The following MADCAM1 variants were observed in gnomAD, a reference collection of about 807,000 sequenced individuals.
MADCAM1 encodes the protein mucosal addressin cell adhesion molecule 1.
A neutral mutation model predicts 26.1 loss-of-function variants in MADCAM1; 19 were observed. The observed-to-expected ratio is 0.73, with a 90% CI of 0.51 to 1.07. The LOEUF is 1.07. Ranked by LOEUF, MADCAM1 falls within the 50% of genes least tolerant of loss-of-function variation. The probability of loss-of-function intolerance (pLI) is 0.00; values close to 1 mark genes in which losing one functional copy is unlikely to be tolerated. For missense variants in MADCAM1, 514 were observed against 542.1 expected, an observed-to-expected ratio of 0.95 and a Z score of 0.51; for synonymous variants, 268 against 260.9, an observed-to-expected ratio of 1.03 and a Z score of -0.26.
chr19:501,512 AAAAAAGAAT>A, intron 3 of MADCAM1, 148 bp from the exon 4 acceptor site: 1 of 356,232 alleles, frequency 2.8e-6, no homozygotes. Flanking sequence ...AAAAAAAAAA[AAAAAAGAAT>A]AAATGGAAAT....
chr19:502,655 TCAAA>T (rs980883056), intron 4 of MADCAM1, among the ~76,000 whole-genome samples: 2 of 152,240 alleles, frequency 1.3e-5, no homozygotes, highest in South Asian at 2.1e-4. Flanking sequence ...GAAATAGCAC[TCAAA>T]CAAATTTAAT....
At chr19:499,148 C>G (rs1342174067) in intron 3 of MADCAM1, 1 of 573,300 alleles carries the variant, frequency 1.7e-6, no homozygotes, top group Admixed American at 2.2e-5. Context: ...CTTTCTCCCC[C>G]TCCTCATTCT....
chr19:497,982 G>A lies in MADCAM1; in HGVS notation c.202G>A (p.Gly68Ser). Residue 68 changes from glycine (G) to serine (S), a missense_variant, in exon 2 of 5, where the codon GGC (glycine) becomes AGC (serine). Around this residue, in one of 3 missense-constraint regions of MADCAM1, gnomAD observed 317 missense variants for 313.6 expected, o/e 1.01. Coordinates refer to ENST00000215637, the MANE Select transcript of MADCAM1 (RefSeq NM_130760.3). ...GTGGCGGGGCCTGGACACCAGCCTG[G>A]GCGCGGTGCAGTCGGACACGGGCCG... ...VQWRGLDTSL[G>S]AVQSDTGRSV... 1 of 1,498,682 alleles carries A rather than the reference G, an allele frequency of 6.7e-7. No individual in the cohort carries two copies. The highest frequency in any genetic ancestry group is 8.8e-7 in the Non-Finnish European group (1 of 1,130,184). The allele number at this position is 1,498,682 out of a possible 1,614,324, so 92.8% of individuals were successfully genotyped here.
intron 4 of MADCAM1, among the ~76,000 whole-genome samples, chr19:503,391 C>A (rs573843324): frequency 2.7e-5 from 4 of 150,906 alleles, no homozygotes; most frequent in East Asian, 2.0e-4. Flanking sequence ...ACCATCCTGG[C>A]TAACACGGTG....
rs571733421 is a variant in MADCAM1, at chr19:503,345, G to A, written c.929-1400G>A. 2.0e-5 allele frequency among the ~76,000 whole-genome samples: 3 copies of A among 151,472 alleles called. 1 individual carries two copies. The highest frequency in any genetic ancestry group is 2.1e-4 in the South Asian group (1 of 4,804). On this transcript the variant is annotated intron_variant, in intron 4 of 4. Coordinates refer to ENST00000215637, the MANE Select transcript of MADCAM1 (RefSeq NM_130760.3). ...GCCTGTAATCCCTGCACTTTGGGAGGCCAAGGCGGGCGGATCACGAGGTCA... is the reference window on the plus strand; with the variant it reads ...GCCTGTAATCCCTGCACTTTGGGAGACCAAGGCGGGCGGATCACGAGGTCA...
In MADCAM1 at chr19:505,201, C is replaced by T. The variant is rs1430157335; in HGVS notation, c.*236C>T. ...CCTGAGTGGTCCCCACCTTTCTGGA[C>T]GGAACCACGTACTTTTTACATACAT... On this transcript the variant is annotated 3_prime_UTR_variant, in exon 5 of 5. Coordinates refer to ENST00000215637, the MANE Select transcript of MADCAM1 (RefSeq NM_130760.3). 9 of 450,688 alleles carry T rather than the reference C, an allele frequency of 2.0e-5. No homozygotes were observed. Among genetic ancestry groups the T allele is most frequent in the South Asian group, 1.0e-4 (2 of 19,146 alleles). The allele number at this position is 450,688 out of a possible 1,614,324, so 27.9% of individuals were successfully genotyped here.
intron 4 of MADCAM1, among the ~76,000 whole-genome samples, chr19:503,365 A>G (rs1978438748): frequency 6.7e-6 from 1 of 149,496 alleles, no homozygotes; most frequent in East Asian, 2.0e-4. Flanking sequence ...GCGGATCACG[A>G]GGTCAGGAGA....
chr19:497,566 G>T (rs1287124154), intron 1 of MADCAM1, among the ~76,000 whole-genome samples: 1 of 151,556 alleles, frequency 6.6e-6, no homozygotes, highest in African/African-American at 2.4e-5. Flanking sequence ...AAGTTGCGGG[G>T]CTCCGCGCGG....
At position 498,587 on chromosome 19, in the gene MADCAM1, C is replaced by T. The variant is rs1193872631; in HGVS notation, c.429C>T (p.Asp143=). 6.7e-7 allele frequency: 1 copy of T among 1,484,296 alleles called. No homozygotes were observed. The highest frequency in any genetic ancestry group is 2.5e-5 in the Admixed American group (1 of 39,246). The allele number at this position is 1,484,296 out of a possible 1,614,324, so 91.9% of individuals were successfully genotyped here. A position where few individuals can be genotyped will look rare whatever the true frequency, so the allele number is the denominator to read the frequency against. The change falls in exon 3 of 5, where the codon GAC becomes GAT. Residue 143 remains aspartate (D), a synonymous_variant. Coordinates refer to ENST00000215637, the MANE Select transcript of MADCAM1 (RefSeq NM_130760.3). ...ACTAHKVTPV[D]PNALSFSLLV... Reference sequence around the variant, plus strand: ...CGGCCCACAAAGTCACGCCCGTGGACCCCAACGCGCTCTCCTTCTCCCTGC... The same window carrying T: ...CGGCCCACAAAGTCACGCCCGTGGATCCCAACGCGCTCTCCTTCTCCCTGC...
chr19:499,283 C>T (rs765554170), intron 3 of MADCAM1: 13 of 459,924 alleles, frequency 2.8e-5, no homozygotes, highest in South Asian at 1.7e-4. Context: ...GATCTTTCCA[C>T]GGCTCTCTCC....
intron 3 of MADCAM1, among the ~76,000 whole-genome samples, chr19:500,467 C>T (rs911593269): frequency 6.6e-6 from 1 of 152,228 alleles, no homozygotes; most frequent in African/African-American, 2.4e-5. Flanking sequence ...GCCGGGCTCA[C>T]GCCTGTAATC....
At position 498,775 on chromosome 19, in the gene MADCAM1, C is replaced by T. The variant is rs1978300557; in HGVS notation, c.617C>T (p.Ala206Val). 6.7e-7 allele frequency: 1 copy of T among 1,503,164 alleles called. No homozygotes were observed. Among genetic ancestry groups the T allele is most frequent in the Non-Finnish European group, 8.8e-7 (1 of 1,136,562 alleles). The allele number at this position is 1,503,164 out of a possible 1,614,324, so 93.1% of individuals were successfully genotyped here. ...TPVPPALYCQ[A>V]TMRLPGLELS... ...GTCCCGCCCGCCCTCTACTGCCAGG[C>T]CACGATGAGGCTGCCTGGCTTGGAG... The change falls in exon 3 of 5, where the codon GCC (alanine) becomes GTC (valine). Residue 206 changes from alanine (A) to valine (V), a missense_variant. Transcript: ENST00000215637.
chr19:500,243 T>C (rs1978314225), intron 3 of MADCAM1: 2 of 453,082 alleles, frequency 4.4e-6, no homozygotes, highest in East Asian at 1.4e-4. Context: ...CTCACCCCTT[T>C]GACAGTTGAG....
intron 4 of MADCAM1, among the ~76,000 whole-genome samples, chr19:503,043 G>A (rs1301551249): frequency 6.6e-6 from 1 of 152,226 alleles, no homozygotes; most frequent in African/African-American, 2.4e-5. Flanking sequence ...AACTAACTGG[G>A]CTAAAGTGTA....
At chr19:497,095 C>T (rs1600382761) in intron 1 of MADCAM1, among the ~76,000 whole-genome samples, 1 of 11,234 alleles carries the variant, frequency 8.9e-5, no homozygotes, top group African/African-American at 5.3e-4. Context: ...GAGGAGGGGG[C>T]GCAGGAGAGT....
intron 4 of MADCAM1, among the ~76,000 whole-genome samples, chr19:502,316 T>C (rs555460854): frequency 1.3e-5 from 2 of 152,176 alleles, no homozygotes; most frequent in South Asian, 4.1e-4. Context: ...TCCTTTTTTT[T>C]TGTGAGACAG....
chr19:501,637 AG>A (rs1600388858), intron 3 of MADCAM1, 31 bp from the exon 4 acceptor site: 1 of 1,551,332 alleles, frequency 6.4e-7, no homozygotes, highest in African/African-American at 1.5e-5. Context: ...GGGGCAGCAG[AG>A]AGGAAAAAAA....
In MADCAM1 at chr19:504,776, G is replaced by A. The variant is rs770550961; in HGVS notation, c.960G>A (p.Ala320=). 50 of 1,608,676 alleles carry A rather than the reference G, an allele frequency of 3.1e-5. No homozygotes were observed. Among genetic ancestry groups the A allele is most frequent in the Middle Eastern group, 1.7e-4 (1 of 6,054 alleles). The change falls in exon 5 of 5, where the codon GCG becomes GCA. Residue 320 remains alanine, a synonymous_variant. Coordinates refer to ENST00000215637, the MANE Select transcript of MADCAM1 (RefSeq NM_130760.3). ...SSKPAGDQLP[A]ALWTSSAVLG... is the part of the protein sequence containing the mutation. ...AACCTGCGGGTGACCAGCTGCCCGC[G>A]GCTCTGTGGACCAGCAGTGCGGTGC...
Position 502,063 on chromosome 19 carries a change from C to T in MADCAM1, c.928+134C>T. 2.9e-6 allele frequency: 3 copies of T among 1,029,098 alleles called. No homozygotes were observed. The South Asian group carries it at 5.5e-5, about 19-fold the overall frequency. The allele number at this position is 1,029,098 out of a possible 1,614,324, so 63.7% of individuals were successfully genotyped here. The stretch of plus-strand genomic sequence containing the variant: ...GTCTGCCCAGCCTCAGTTTCCCCGT[C>T]TGCCCAGCCTCGGTTTCCCCATCTG... On this transcript the variant is annotated intron_variant, in intron 4 of 4. Transcript: ENST00000215637.
Sources: gnomAD v4.1 joint callset for allele counts (sites outside exome capture counted in the v4.1 genomes callset) on GRCh38, gnomAD v4.1.1 for gene constraint, gnomAD v4.1.1 regional missense constraint, MANE v1.5 for transcripts, NCBI Gene and HGNC (gene_info 2026-07-23, HGNC 2026-07-21) for gene names.